Variants in VOPP1 observed in about 807,000 individuals in gnomAD.
VOPP1 encodes the protein WW domain binding protein VOPP1.
In VOPP1, 8 loss-of-function variants were observed where a neutral mutation model predicts 23.5. The ratio of observed to expected loss-of-function variants is 0.34; its 90% CI spans 0.20 to 0.61. VOPP1 has a LOEUF of 0.61. VOPP1 is among the 20% of genes least tolerant of loss of function. The pLI is 0.78. For missense variants in VOPP1, 174 were observed against 238.1 expected, an observed-to-expected ratio of 0.73 and a Z score of 1.77; for synonymous variants, 83 against 97.3, an observed-to-expected ratio of 0.85 and a Z score of 0.86.
At chr7:55,563,585 T>G (rs1235764095) in intron 1 of VOPP1, among the ~76,000 whole-genome samples, 1 of 152,244 alleles carries the variant, frequency 6.6e-6, no homozygotes, top group Non-Finnish European at 1.5e-5. Flanking sequence ...TGAAGTATCT[T>G]GGGGATGGGA....
At chr7:55,564,466 G>A (rs1798098551) in intron 1 of VOPP1, among the ~76,000 whole-genome samples, 1 of 152,120 alleles carries the variant, frequency 6.6e-6, no homozygotes, top group Non-Finnish European at 1.5e-5. Context: ...GCTGTCACCT[G>A]AGTAGCTGCT....
intron 1 of VOPP1, among the ~76,000 whole-genome samples, chr7:55,540,608 G>A (rs976705632): frequency 1.3e-5 from 2 of 152,040 alleles, no homozygotes; most frequent in Admixed American, 6.6e-5. Context: ...TCCACCTGGT[G>A]CCCAGCCGAG....
chr7:55,555,921 C>A (rs1797784975), intron 1 of VOPP1, among the ~76,000 whole-genome samples: 1 of 152,136 alleles, frequency 6.6e-6, no homozygotes, highest in South Asian at 2.1e-4. Context: ...GAATGAATAA[C>A]CCCAATAGCC....
intron 2 of VOPP1, among the ~76,000 whole-genome samples, chr7:55,510,842 A>C (rs1478485391): frequency 6.6e-6 from 1 of 151,084 alleles, no homozygotes; most frequent in African/African-American, 2.4e-5. Context: ...CCATGCCTGC[A>C]CTCCTCCCAA....
intron 4 of VOPP1, 132 bp from the exon 5 acceptor site, chr7:55,473,177 C>G: frequency 7.3e-7 from 1 of 1,372,970 alleles, no homozygotes. Context: ...ACCCAACATG[C>G]CCGGTGAGGG....
At chr7:55,517,121 T>G (rs1450940175) in intron 2 of VOPP1, among the ~76,000 whole-genome samples, 1 of 150,378 alleles carries the variant, frequency 6.6e-6, no homozygotes. Flanking sequence ...TATATATTTT[T>G]TTATTTTAGT....
intron 3 of VOPP1, among the ~76,000 whole-genome samples, chr7:55,494,743 C>T (rs1793828672): frequency 6.6e-6 from 1 of 152,176 alleles, no homozygotes; most frequent in Non-Finnish European, 1.5e-5. Context: ...TCCCAAAGTG[C>T]ACCATTGTGC....
At chr7:55,454,025 C>T (rs935427077) in intron 4 of VOPP1, among the ~76,000 whole-genome samples, 8 of 147,728 alleles carry the variant, frequency 5.4e-5, no homozygotes, top group African/African-American at 2.1e-4. Context: ...CACATCCAGT[C>T]CTTATTTTTA....
chr7:55,485,295 T>C (rs74743732), intron 4 of VOPP1, among the ~76,000 whole-genome samples: 1,793 of 152,280 alleles, frequency 0.012, 12 homozygotes, highest in Middle Eastern at 0.02. Flanking sequence ...AAAATACTGA[T>C]ACTCAACAAA....
chr7:55,540,490 C>A (rs527655791), intron 1 of VOPP1, among the ~76,000 whole-genome samples: 2 of 152,310 alleles, frequency 1.3e-5, no homozygotes, highest in South Asian at 4.1e-4. Context: ...TTGCCCCAGA[C>A]TGTCTGCTGA....
intron 4 of VOPP1, among the ~76,000 whole-genome samples, chr7:55,449,447 G>T (rs1403941522): frequency 1.3e-5 from 2 of 152,202 alleles, no homozygotes; most frequent in South Asian, 4.1e-4. Flanking sequence ...GCCGGTGCCC[G>T]GTCCTCGTTC....
chr7:55,509,126 G>A (rs1190064342), intron 2 of VOPP1, among the ~76,000 whole-genome samples: 1 of 152,110 alleles, frequency 6.6e-6, no homozygotes, highest in Non-Finnish European at 1.5e-5. Context: ...GTAATGAGCT[G>A]AGTTTGGCAA....
rs571016375 is a variant in VOPP1 at position 55,562,133 on chromosome 7, G to A, written c.54+10138C>T. The A allele has an allele frequency of 2.3e-4, 161 of 698,296 alleles. 3 individuals carry two copies. The highest frequency in any genetic ancestry group is 1.9e-3 in the South Asian group (130 of 67,218). 43.3% of individuals were successfully genotyped at this position (698,296 alleles called of 1,614,324 possible). On this transcript the variant is annotated intron_variant, in intron 1 of 4. Coordinates refer to ENST00000285279, the MANE Select transcript of VOPP1 (RefSeq NM_030796.5). ...TACCTCATTCTAATGTACAGCCAAC[G>A]CTGAGAATGGCAAGGAGGTCTCTGT...
At chr7:55,486,747 G>A (rs78435914) in intron 4 of VOPP1, among the ~76,000 whole-genome samples, 1,791 of 152,216 alleles carry the variant, frequency 0.012, 12 homozygotes, top group Middle Eastern at 0.02. Flanking sequence ...TTGGTGATTT[G>A]TAAACAAAAA....
At chr7:55,492,236 A>G in intron 4 of VOPP1, 46 bp downstream of exon 4, 2 of 1,566,932 alleles carry the variant, frequency 1.3e-6, no homozygotes, top group Non-Finnish European at 1.7e-6. Flanking sequence ...ATGTTGGCAG[A>G]CGACACACAC....
At chr7:55,439,344 A>C (rs1790908619) in intron 4 of VOPP1, among the ~76,000 whole-genome samples, 1 of 152,146 alleles carries the variant, frequency 6.6e-6, no homozygotes. Flanking sequence ...CTTCTGACGC[A>C]TGAGACAAAA....
intron 4 of VOPP1, among the ~76,000 whole-genome samples, chr7:55,460,213 T>C (rs1394585062): frequency 6.6e-6 from 1 of 152,224 alleles, no homozygotes; most frequent in African/African-American, 2.4e-5. Context: ...TTTTATTCCA[T>C]TGTAGTTTAA....
chr7:55,514,633 G>A (rs1356672007), intron 2 of VOPP1, among the ~76,000 whole-genome samples: 1 of 152,194 alleles, frequency 6.6e-6, no homozygotes. Context: ...ACACACAGAT[G>A]TTTTATTTCA....
At position 55,520,442 on chromosome 7, in the gene VOPP1, A is replaced by G. The variant is rs372115278; in HGVS notation, c.113+630T>C. ...TGGTCACTGAGGCAGGTGGCTCCAC[A>G]GGGCTGGTGGCTACCACAGCAGATA... On this transcript the variant is annotated intron_variant, in intron 2 of 4. Transcript: ENST00000285279. Among the ~76,000 whole-genome samples the G allele has an allele frequency of 5.3e-5, 8 of 152,304 alleles. No individual in the cohort carries two copies. The East Asian group carries it at 1.4e-3, about 26-fold the overall frequency.
Sources: gnomAD v4.1 joint callset for allele counts (sites outside exome capture counted in the v4.1 genomes callset) on GRCh38, gnomAD v4.1.1 for gene constraint, MANE v1.5 for transcripts, NCBI Gene and HGNC (gene_info 2026-07-23, HGNC 2026-07-21) for gene names.